Variants in ZGRF1 observed in about 807,000 individuals in gnomAD.
ZGRF1 encodes the protein zinc finger GRF-type containing 1.
ZGRF1 carries 196 observed loss-of-function variants against 203.5 expected under a neutral mutation model. The ratio of observed to expected loss-of-function variants is 0.96; its 90% CI spans 0.86 to 1.08. The LOEUF is 1.08. Ranked by LOEUF, ZGRF1 falls within the 50% of genes least tolerant of loss-of-function variation. The pLI is 0.00. For synonymous variants in ZGRF1, 809 were observed against 841.3 expected, an observed-to-expected ratio of 0.96 and a Z score of 0.66; for missense variants, 2,326 against 2,416.3, an observed-to-expected ratio of 0.96 and a Z score of 0.78.
Position 112,620,070 on chromosome 4 carries a change from A to C in ZGRF1, c.283T>G (p.Ser95Ala). The C allele has an allele frequency of 6.2e-7, 1 of 1,613,164 alleles. No homozygotes were observed. Among genetic ancestry groups the C allele is most frequent in the South Asian group, 1.1e-5 (1 of 90,960 alleles). Residue 95 changes from serine to alanine, a missense_variant, in exon 5 of 28, where the codon TCA becomes GCA. By Grantham distance (99) the Ser-to-Ala change is moderately conservative. Transcript: ENST00000505019. ...CGGCCAGAGGATATAAATGTCCTTG[A>C]ATTTAACTCTGGTGCTTCTTTATTG... ...NVNKEAPELN[S>A]RTFISSGRSL...
At chr4:112,587,156 G>A in intron 12 of ZGRF1, 124 bp downstream of exon 12, 1 of 771,992 alleles carries the variant, frequency 1.3e-6, no homozygotes, top group Admixed American at 2.5e-5. Context: ...GTAGCTCAGA[G>A]TTAGGATCAA....
At chr4:112,562,705 T>C (rs766716452) in intron 17 of ZGRF1, among the ~76,000 whole-genome samples, 24 of 152,238 alleles carry the variant, frequency 1.6e-4, no homozygotes, top group Non-Finnish European at 3.1e-4. Context: ...CTGCATAATT[T>C]AAATCATATT....
At chr4:112,580,534 A>C (rs1746033533) in intron 16 of ZGRF1, among the ~76,000 whole-genome samples, 1 of 152,008 alleles carries the variant, frequency 6.6e-6, no homozygotes. Flanking sequence ...CTCATCTGAC[A>C]AAGGGCTAAT....
intron 6 of ZGRF1, among the ~76,000 whole-genome samples, chr4:112,616,812 GGAC>G (rs1422688434): frequency 2.7e-5 from 4 of 148,596 alleles, no homozygotes; most frequent in South Asian, 2.2e-4. Context: ...ACTGCAGCCT[GGAC>G]GACAAGAGTG....
At chr4:112,575,639 C>A (rs533752663) in intron 16 of ZGRF1, among the ~76,000 whole-genome samples, 6 of 152,354 alleles carry the variant, frequency 3.9e-5, no homozygotes, top group African/African-American at 9.6e-5. Context: ...TATCCCGTGC[C>A]TGGATCAGAG....
At chr4:112,581,826 A>C in intron 15 of ZGRF1, 24 bp from the exon 16 acceptor site, 1 of 1,180,722 alleles carries the variant, frequency 8.5e-7, no homozygotes. Context: ...AAAAAATAAA[A>C]ATGAATTGTA....
Position 112,587,791 on chromosome 4 carries a change from G to A in ZGRF1, c.3266C>T (p.Ser1089Phe). ...DLDSHSYMIN[S>F]NTYESSGSPM... The stretch of plus-strand genomic sequence containing the variant: ...GGAGCCAGAAGACTCGTATGTGTTA[G>A]AGTTGATCATATACGAATGAGAGTC... Residue 1089 changes from serine to phenylalanine, a missense_variant, in exon 12 of 28, where the codon TCT becomes TTT. Ser to Phe is a radical substitution (Grantham distance 155). Transcript: ENST00000505019. 1 of 1,552,556 alleles carries A rather than the reference G, an allele frequency of 6.4e-7. No homozygotes were observed.
intron 8 of ZGRF1, among the ~76,000 whole-genome samples, chr4:112,608,835 G>T (rs1751150864): frequency 6.6e-6 from 1 of 152,050 alleles, no homozygotes; most frequent in African/African-American, 2.4e-5. Flanking sequence ...AGGGATAATT[G>T]TCAATGACCC....
intron 10 of ZGRF1, among the ~76,000 whole-genome samples, chr4:112,602,632 A>T (rs1451869205): frequency 6.6e-6 from 1 of 152,236 alleles, no homozygotes. Flanking sequence ...TAGTCCCTTA[A>T]CACAAATAAC....
At position 112,557,666 on chromosome 4, in the gene ZGRF1, CA is replaced by C. The variant is rs527515120; in HGVS notation, c.5120+483del. 4.4e-4 allele frequency among the ~76,000 whole-genome samples: 67 copies of C among 152,256 alleles called. No individual in the cohort carries two copies. In the South Asian group the frequency reaches 0.014, roughly 31 times the overall value. ...ACATGCCGTGGGTTGAGGAGTAGGG[CA>C]AGAACACTGAGGCTGGGGATCCATT... On this transcript the variant is annotated intron_variant, in intron 20 of 27. Coordinates refer to ENST00000505019, the MANE Select transcript of ZGRF1 (RefSeq NM_018392.5).
chr4:112,589,813 G>C lies in ZGRF1; in HGVS notation c.3038C>G (p.Ser1013Ter). The stretch of plus-strand genomic sequence containing the variant: ...TTCTACCATGAAGTCTTCATCTCTT[G>C]AGTTCAAAGAAAAGGTAGAAACAGG... ...LSPVSTFSLN[S>*]RDEDFMVEFS... Residue 1013 changes from serine to a stop codon, truncating the protein, a stop_gained, in exon 11 of 28, where the codon TCA (serine) becomes TGA (stop). Coordinates refer to ENST00000505019, the MANE Select transcript of ZGRF1 (RefSeq NM_018392.5). LOFTEE classifies it high-confidence loss of function. 4 of 1,613,146 alleles carry C rather than the reference G, an allele frequency of 2.5e-6. No homozygotes were observed. Among genetic ancestry groups the C allele is most frequent in the South Asian group, 2.2e-5 (2 of 91,004 alleles).
intron 20 of ZGRF1, among the ~76,000 whole-genome samples, chr4:112,557,491 C>T (rs763056736): frequency 1.3e-5 from 2 of 152,146 alleles, no homozygotes; most frequent in Non-Finnish European, 2.9e-5. Flanking sequence ...TAACCTACTT[C>T]TAACGTAACA....
At chr4:112,549,201 G>T (rs184931512) in intron 22 of ZGRF1, among the ~76,000 whole-genome samples, 2 of 152,036 alleles carry the variant, frequency 1.3e-5, no homozygotes, top group African/African-American at 4.8e-5. Context: ...TTTGAATCTT[G>T]TAAGTTACAC....
At chr4:112,610,385 A>G (rs1427316317) in intron 7 of ZGRF1, among the ~76,000 whole-genome samples, 1 of 152,038 alleles carries the variant, frequency 6.6e-6, no homozygotes, top group Non-Finnish European at 1.5e-5. Context: ...AGCCTGGCAA[A>G]CATGGCGAAA....
intron 3 of ZGRF1, among the ~76,000 whole-genome samples, chr4:112,630,620 T>C (rs1348168265): frequency 6.6e-6 from 1 of 152,004 alleles, no homozygotes; most frequent in African/African-American, 2.4e-5. Flanking sequence ...TATATAAAAT[T>C]AGTGACTCAA....
chr4:112,547,174 A>T, intron 24 of ZGRF1, 111 bp downstream of exon 24: 1 of 1,105,800 alleles, frequency 9.0e-7, no homozygotes. Context: ...CCAATTATAC[A>T]TTATTTTAAG....
chr4:112,592,099 T>C (rs1445756784), intron 10 of ZGRF1, among the ~76,000 whole-genome samples: 2 of 148,918 alleles, frequency 1.3e-5, no homozygotes, highest in African/African-American at 4.9e-5. Context: ...ATTCATTCTT[T>C]TTTTTTTTTT....
At position 112,618,008 on chromosome 4, in the gene ZGRF1, G is replaced by A; in HGVS notation, c.2034C>T (p.Pro678=). ...TGTTTATACCTTTAGATTTATTCGG[G>A]GGTAAAGCAAAATCATAGTTAATTC... ...EVRINYDFAL[P]PNKSKGINMN... The change falls in exon 6 of 28, where the codon CCC becomes CCT. Residue 678 remains proline (P), a synonymous_variant. Transcript: ENST00000505019. 6.2e-7 allele frequency: 1 copy of A among 1,612,542 alleles called. No individual in the cohort carries two copies. Among genetic ancestry groups the A allele is most frequent in the South Asian group, 1.1e-5 (1 of 90,884 alleles).
chr4:112,547,408 C>T lies in ZGRF1; in HGVS notation c.5475G>A (p.Arg1825=), dbSNP rs78336146. The T allele has an allele frequency of 0.072, 115,138 of 1,600,986 alleles. 4,886 individuals are homozygous for T. The highest frequency in any genetic ancestry group is 0.087 in the Non-Finnish European group (101,726 of 1,175,748). The change falls in exon 24 of 28, where the codon AGG becomes AGA. Residue 1825 remains arginine (R), a splice_region_variant and synonymous_variant. Transcript: ENST00000505019. The part of the protein sequence containing the change: ...TEPASLLPIA[R]FECEKLILVG... Reference sequence around the variant, plus strand: ...CAAGAATCAGCTTTTCACACTCAAACCTAAAACAGAATTTCAAAAATTAAT... The same window carrying T: ...CAAGAATCAGCTTTTCACACTCAAATCTAAAACAGAATTTCAAAAATTAAT...
Sources: allele counts gnomAD v4.1 joint callset (sites outside exome capture counted in the v4.1 genomes callset), GRCh38; gene constraint gnomAD v4.1.1; transcripts MANE v1.5; gene names NCBI Gene and HGNC (gene_info 2026-07-23, HGNC 2026-07-21).